The following OLFM3 variants were observed in gnomAD, a reference collection of about 807,000 sequenced individuals.
OLFM3 encodes olfactomedin 3.
In OLFM3, 20 loss-of-function variants were observed where a neutral mutation model predicts 48.6. The observed-to-expected ratio is 0.41, with a 90% CI of 0.29 to 0.60. The LOEUF is 0.60. Ranked by LOEUF, OLFM3 falls within the 20% of genes least tolerant of loss-of-function variation. OLFM3 has a pLI of 0.28. For synonymous variants in OLFM3, 222 were observed against 198.1 expected (o/e 1.12, Z -1.01); for missense variants, 437 against 544.3 (o/e 0.80, Z 1.96).
intron 1 of OLFM3, among the ~76,000 whole-genome samples, chr1:101,843,832 A>G (rs2100937008): frequency 6.6e-6 from 1 of 152,238 alleles, no homozygotes; most frequent in South Asian, 2.1e-4. Flanking sequence ...TATTTGTGTA[A>G]ATCTGCTTTT....
intron 1 of OLFM3, among the ~76,000 whole-genome samples, chr1:101,970,813 G>A (rs931635596): frequency 6.6e-6 from 1 of 152,218 alleles, no homozygotes; most frequent in African/African-American, 2.4e-5. Context: ...TGAAGCATGG[G>A]TGGGAGTTTG....
At chr1:101,846,299 AG>A (rs1483321039) in intron 1 of OLFM3, among the ~76,000 whole-genome samples, 5 of 152,158 alleles carry the variant, frequency 3.3e-5, no homozygotes, top group African/African-American at 1.2e-4. Context: ...CATGTTTCTT[AG>A]CTTTCTTAAA....
At chr1:101,816,015 G>A (rs926687179) in intron 4 of OLFM3, among the ~76,000 whole-genome samples, 2 of 152,116 alleles carry the variant, frequency 1.3e-5, no homozygotes, top group Non-Finnish European at 2.9e-5. Context: ...AAAAAATAAC[G>A]TGGTATTAAG....
intron 1 of OLFM3, among the ~76,000 whole-genome samples, chr1:101,941,853 G>C (rs1305992231): frequency 6.6e-6 from 1 of 152,130 alleles, no homozygotes; most frequent in Non-Finnish European, 1.5e-5. Context: ...GTCAGAAAGA[G>C]TTATCAGATA....
At chr1:101,849,583 A>C (rs1161951325) in intron 1 of OLFM3, among the ~76,000 whole-genome samples, 1 of 152,232 alleles carries the variant, frequency 6.6e-6, no homozygotes, top group East Asian at 1.9e-4. Context: ...TTTATGATGC[A>C]GGATAGGCAG....
At chr1:101,933,031 T>C (rs1557735834) in intron 1 of OLFM3, among the ~76,000 whole-genome samples, 1 of 151,340 alleles carries the variant, frequency 6.6e-6, no homozygotes, top group East Asian at 1.9e-4. Context: ...ATGAAACCCA[T>C]CTCTACTAAA....
intron 1 of OLFM3, among the ~76,000 whole-genome samples, chr1:101,890,666 C>T (rs1657956650): frequency 7.0e-6 from 1 of 143,424 alleles, no homozygotes; most frequent in South Asian, 2.6e-4. Context: ...ATTTCACATG[C>T]TTATTCACCA....
intron 1 of OLFM3, among the ~76,000 whole-genome samples, chr1:101,890,521 C>T (rs1444028220): frequency 6.6e-6 from 1 of 151,708 alleles, no homozygotes; most frequent in African/African-American, 2.4e-5. Context: ...TCTAATTCTC[C>T]CAAAGAATAT....
At chr1:101,867,386 A>G (rs971515981) in intron 1 of OLFM3, among the ~76,000 whole-genome samples, 6 of 152,184 alleles carry the variant, frequency 3.9e-5, no homozygotes, top group Admixed American at 2.0e-4. Context: ...TAGTATCTTA[A>G]TTGTTCTTAA....
intron 1 of OLFM3, among the ~76,000 whole-genome samples, chr1:101,930,953 AAT>A (rs2101048077): frequency 6.6e-6 from 1 of 152,338 alleles, no homozygotes; most frequent in Admixed American, 6.5e-5. Flanking sequence ...TGCATACCTC[AAT>A]ATCTCAGAGC....
chr1:101,816,359 G>A (rs1486749625), intron 4 of OLFM3, among the ~76,000 whole-genome samples: 4 of 152,124 alleles, frequency 2.6e-5, no homozygotes, highest in Non-Finnish European at 4.4e-5. Flanking sequence ...AATCTAGTAG[G>A]GAGCAATACG....
chr1:101,836,580 A>G (rs1476492321), intron 2 of OLFM3, among the ~76,000 whole-genome samples: 1 of 147,060 alleles, frequency 6.8e-6, no homozygotes, highest in Admixed American at 6.9e-5. Context: ...AATTTTTGGC[A>G]TCAGAATAAG....
At chr1:101,973,905 A>G (rs1413648039) in intron 1 of OLFM3, among the ~76,000 whole-genome samples, 4 of 152,210 alleles carry the variant, frequency 2.6e-5, no homozygotes, top group African/African-American at 9.7e-5. Context: ...GGAAAAATAA[A>G]CTTGCTTTCT....
intron 4 of OLFM3, among the ~76,000 whole-genome samples, chr1:101,816,685 C>T (rs1174929452): frequency 6.6e-6 from 1 of 152,112 alleles, no homozygotes; most frequent in Non-Finnish European, 1.5e-5. Flanking sequence ...AATGAAAATT[C>T]TGAAGCTTGA....
intron 1 of OLFM3, among the ~76,000 whole-genome samples, chr1:101,951,767 A>T (rs1437609823): frequency 6.6e-6 from 1 of 152,188 alleles, no homozygotes; most frequent in Admixed American, 6.5e-5. Flanking sequence ...AAGATATTCC[A>T]GTCTTTAAGA....
At chr1:101,884,491 A>AAAAC (rs987913935) in intron 1 of OLFM3, among the ~76,000 whole-genome samples, 3 of 151,814 alleles carry the variant, frequency 2.0e-5, no homozygotes, top group Non-Finnish European at 4.4e-5. Context: ...AACAAAAACA[A>AAAAC]AAACAAACAA....
At chr1:101,847,078 G>A in intron 1 of OLFM3, 1 of 1,432,474 alleles carries the variant, frequency 7.0e-7, no homozygotes. Flanking sequence ...CATGAAAAGA[G>A]ATCAACTTCC....
At chr1:101,856,185 C>G (rs1570566696) in intron 1 of OLFM3, among the ~76,000 whole-genome samples, 1 of 151,984 alleles carries the variant, frequency 6.6e-6, no homozygotes, top group East Asian at 1.9e-4. Flanking sequence ...TTTGAAAGCT[C>G]TAGGCAGACA....
Position 101,896,834 on chromosome 1 carries a change from G to C in OLFM3, c.70-59809C>G, listed in dbSNP as rs116754332. Among the ~76,000 whole-genome samples the C allele has an allele frequency of 8.9e-3, 1,350 of 151,836 alleles. 31 individuals carry two copies. The highest frequency in any genetic ancestry group is 0.031 in the African/African-American group (1,292 of 41,404). The stretch of plus-strand genomic sequence containing the variant: ...CTATCTGAACTGATGCATAACTTTT[G>C]TTTTATATCATTCCTTGGCTTCATT... On this transcript the variant is annotated intron_variant, in intron 1 of 5. Coordinates refer to ENST00000370103, the MANE Select transcript of OLFM3 (RefSeq NM_058170.4).
Sources: allele counts gnomAD v4.1 joint callset (sites outside exome capture counted in the v4.1 genomes callset), GRCh38; gene constraint gnomAD v4.1.1; transcripts MANE v1.5; gene names NCBI Gene and HGNC (gene_info 2026-07-23, HGNC 2026-07-21).